The following C3orf18 variants were observed in gnomAD, a reference collection of about 807,000 sequenced individuals.
C3orf18 encodes the protein chromosome 3 open reading frame 18.
In C3orf18, 12 loss-of-function variants were observed where a neutral mutation model predicts 14.1. The ratio of observed to expected loss-of-function variants is 0.85; its 90% CI spans 0.55 to 1.38. The LOEUF is 1.38. Ranked by LOEUF, C3orf18 falls within the 40% of genes most tolerant of loss-of-function variation. The probability of loss-of-function intolerance (pLI) is 0.00; values close to 1 mark genes in which losing one functional copy is unlikely to be tolerated. For missense variants in C3orf18, 196 were observed against 213.9 expected (o/e 0.92, Z 0.52); for synonymous variants, 82 against 87.9 (o/e 0.93, Z 0.38).
chr3:50,564,654 TC>T (rs1700175643), intron 3 of C3orf18, among the ~76,000 whole-genome samples: 1 of 152,192 alleles, frequency 6.6e-6, no homozygotes, highest in Non-Finnish European at 1.5e-5. Context: ...GACCTTGTCT[TC>T]CCAGCCTCTA....
upstream of C3orf18, chr3:50,571,266 G>T: frequency 6.2e-7 from 1 of 1,613,362 alleles, no homozygotes; most frequent in Non-Finnish European, 8.5e-7. Context: ...TCTTTGAGAA[G>T]AGGGGTATCC....
At chr3:50,571,610 GC>G (rs1700969159), upstream of C3orf18, 4 of 1,110,426 alleles carry the variant, frequency 3.6e-6, no homozygotes, top group Non-Finnish European at 4.1e-6. Flanking sequence ...AGAGGGTTGG[GC>G]CTCCAGACCA....
Position 50,561,861 on chromosome 3 carries a change from G to A in C3orf18, c.235-114C>T, listed in dbSNP as rs114432474. 1.3e-3 allele frequency: 1,376 copies of A among 1,054,616 alleles called. 14 individuals are homozygous for A. In the African/African-American group the frequency reaches 0.018, roughly 14 times the overall value. The allele number at this position is 1,054,616 out of a possible 1,614,324, so 65.3% of individuals were successfully genotyped here. A position where few individuals can be genotyped will look rare whatever the true frequency, so the allele number is the denominator to read the frequency against. On this transcript the variant is annotated intron_variant, in intron 3 of 5. Coordinates refer to ENST00000357203, the MANE Select transcript of C3orf18 (RefSeq NM_016210.5). ...ATGAACAAGAGACCCGTGGGTCCCC[G>A]TCCTAATGACACATACACCACTCCC...
chr3:50,561,780 G>C (rs370490706), intron 3 of C3orf18, 33 bp from the exon 4 acceptor site: 2 of 1,613,288 alleles, frequency 1.2e-6, no homozygotes, highest in African/African-American at 1.3e-5. Flanking sequence ...AAATGGCAAG[G>C]AGAGGAGGCC....
rs772525401 is a variant in C3orf18, at chr3:50,565,471, C to T, written c.229G>A (p.Ala77Thr). 2 of 1,613,274 alleles carry T rather than the reference C, an allele frequency of 1.2e-6. No individual in the cohort carries two copies. The highest frequency in any genetic ancestry group is 2.2e-5 in the South Asian group (2 of 91,040). Residue 77 changes from alanine (A) to threonine (T), a missense_variant, in exon 3 of 6, where the codon GCC (alanine) becomes ACC (threonine). Transcript: ENST00000357203. This position sits in a 1 kb window ranked among gnomAD's most constrained non-coding sequence, Gnocchi z 4.4. ...GIITVIGLAV[A>T]LVLYIRKKKR... ...CAGCCTACCCCAGCTCTCACCAAGG[C>T]CACAGCCAGGCCTATCACCGTGATG... is the stretch of plus-strand genomic sequence containing the variant.
Position 50,559,649 on chromosome 3 carries a change from C to A in C3orf18, c.*8G>T. 1 of 1,568,614 alleles carries A rather than the reference C, an allele frequency of 6.4e-7. No homozygotes were observed. Among genetic ancestry groups the A allele is most frequent in the South Asian group, 1.2e-5 (1 of 84,906 alleles). On this transcript the variant is annotated 3_prime_UTR_variant, in exon 6 of 6. Transcript: ENST00000357203. ...CTCTATCAGAAGTCCAGGCTTGTCC[C>A]AGGCCACTCACGCATGGATGGCATT...
upstream of C3orf18, chr3:50,571,128 G>T (rs985188085): frequency 1.9e-5 from 30 of 1,605,058 alleles, no homozygotes; most frequent in Non-Finnish European, 2.2e-5. Flanking sequence ...GCCGAATGCT[G>T]TGGGCCCTCC....
intron 5 of C3orf18, 80 bp downstream of exon 5, chr3:50,560,837 G>C: frequency 7.0e-7 from 1 of 1,438,064 alleles, no homozygotes; most frequent in South Asian, 1.3e-5. Flanking sequence ...GTGCTAGAAA[G>C]CTGCATGAGA....
At position 50,558,888 on chromosome 3, in the gene C3orf18, G is replaced by T; in HGVS notation, c.*769C>A. ...AATCTCATTCTGCCCGCTGTGCTGG[G>T]ACAGGCACATGTCTGCCCATGGGCA... On this transcript the variant is annotated 3_prime_UTR_variant, in exon 6 of 6. Transcript: ENST00000357203. The T allele has an allele frequency of 1.6e-6, 2 of 1,289,732 alleles. No individual in the cohort carries two copies. Among genetic ancestry groups the T allele is most frequent in the Non-Finnish European group, 2.0e-6 (2 of 988,822 alleles). 79.9% of individuals were successfully genotyped at this position (1,289,732 alleles called of 1,614,324 possible).
upstream of C3orf18, chr3:50,570,336 A>AT (rs1237940375): frequency 2.6e-5 from 4 of 152,172 alleles, no homozygotes; most frequent in Admixed American, 1.3e-4. Context: ...ACAATTGTAA[A>AT]TTTTTTAGTT....
At position 50,559,308 on chromosome 3, in the gene C3orf18, G is replaced by C. The variant is rs753609708; in HGVS notation, c.*349C>G. 8.0e-7 allele frequency: 1 copy of C among 1,247,912 alleles called. No homozygotes were observed. The highest frequency in any genetic ancestry group is 1.5e-5 in the African/African-American group (1 of 64,704). 77.3% of individuals were successfully genotyped at this position (1,247,912 alleles called of 1,614,324 possible). On this transcript the variant is annotated 3_prime_UTR_variant, in exon 6 of 6. Coordinates refer to ENST00000357203, the MANE Select transcript of C3orf18 (RefSeq NM_016210.5). ...TTCCTCCCCCAATCCCTCCCACTCCGTATCTCCCTCATTTCCTCCACATTA... is the reference window on the plus strand; with the variant it reads ...TTCCTCCCCCAATCCCTCCCACTCCCTATCTCCCTCATTTCCTCCACATTA...
intron 3 of C3orf18, among the ~76,000 whole-genome samples, chr3:50,564,893 T>G (rs1220991286): frequency 6.6e-6 from 1 of 152,160 alleles, no homozygotes; most frequent in Non-Finnish European, 1.5e-5. Context: ...GCCTCCAAAC[T>G]TTTGCCCATC....
In C3orf18 at chr3:50,560,970, G is replaced by A. The variant is rs200548081; in HGVS notation, c.355C>T (p.Arg119Trp). The change falls in exon 5 of 6, where the codon CGG becomes TGG. Residue 119 changes from arginine to tryptophan, a missense_variant. Transcript: ENST00000357203. ...GCAGCCTGTACAGAGGCGGCGTCCC[G>A]CCCATGCTCCAGCAGCTCCTGCTCC... The part of the protein sequence containing the change: ...ELEQELLEHG[R>W]DAASVQAATS... 58 of 1,614,150 alleles carry A rather than the reference G, an allele frequency of 3.6e-5. No individual in the cohort carries two copies. Among genetic ancestry groups the A allele is most frequent in the African/African-American group, 6.7e-5 (5 of 75,052 alleles).
chr3:50,565,648 TG>T lies in C3orf18; in HGVS notation c.51del (p.Thr18ProfsTer54). The T allele has an allele frequency of 6.2e-7, 1 of 1,612,830 alleles. No homozygotes were observed. On this transcript the variant is annotated frameshift_variant, in exon 3 of 6. Transcript: ENST00000357203. LOFTEE classifies it high-confidence loss of function. This position sits in a 1 kb window ranked among gnomAD's most constrained non-coding sequence, Gnocchi z 4.4. ...GCAGGTTCCAGGTCAGACTCAGAGGTGGGTGGGCGGCTGCTGAACCAGCCCC... is the reference window on the plus strand; with the variant it reads ...GCAGGTTCCAGGTCAGACTCAGAGGTGGTGGGCGGCTGCTGAACCAGCCCC... ...SARGWFSSRP[P>X]TSESDLEPAT...
chr3:50,572,342 CCT>C (rs1275033209), upstream of C3orf18: 2 of 862,400 alleles, frequency 2.3e-6, no homozygotes, highest in Non-Finnish European at 3.6e-6. Flanking sequence ...ACATGTATTT[CCT>C]CTCTGACTGT....
rs9866852 is a variant in C3orf18, at chr3:50,562,945, G to A, written c.235-1198C>T. Among the ~76,000 whole-genome samples, 1,441 of 152,238 alleles carry A rather than the reference G, an allele frequency of 9.5e-3. 18 individuals carry two copies. The highest frequency in any genetic ancestry group is 0.033 in the African/African-American group (1,357 of 41,526). On this transcript the variant is annotated intron_variant, in intron 3 of 5. Coordinates refer to ENST00000357203, the MANE Select transcript of C3orf18 (RefSeq NM_016210.5). ...GGGAGGAAGTGGGTAAGACTTGGGGGACCACCTTGGGCGGGGAATCCAGGG... is the reference window on the plus strand; with the variant it reads ...GGGAGGAAGTGGGTAAGACTTGGGGAACCACCTTGGGCGGGGAATCCAGGG...
rs1700233646 is a variant in C3orf18 at position 50,565,451 on chromosome 3, T to G, written c.234+15A>C. The G allele has an allele frequency of 2.5e-6, 4 of 1,584,908 alleles. No homozygotes were observed. The South Asian group carries it at 4.4e-5, about 18-fold the overall frequency. Reference sequence around the variant, plus strand: ...AAACACTGATTATCCTCCCCCAGCCTACCCCAGCTCTCACCAAGGCCACAG... The same window carrying G: ...AAACACTGATTATCCTCCCCCAGCCGACCCCAGCTCTCACCAAGGCCACAG... On this transcript the variant is annotated intron_variant, in intron 3 of 5. Coordinates refer to ENST00000357203, the MANE Select transcript of C3orf18 (RefSeq NM_016210.5). The surrounding 1 kb of genome is among the most constrained non-coding windows in gnomAD (Gnocchi z 4.4).
chr3:50,571,617 G>T (rs552170330), upstream of C3orf18: 2 of 1,202,802 alleles, frequency 1.7e-6, no homozygotes, highest in South Asian at 2.4e-5. Context: ...TGGGCCTCCA[G>T]ACCAGTGCTG....
Position 50,565,482 on chromosome 3 carries a change from C to T in C3orf18, c.218G>A (p.Gly73Asp). The change falls in exon 3 of 6, where the codon GGC (glycine) becomes GAC (aspartate). Residue 73 changes from glycine (G) to aspartate (D), a missense_variant. Transcript: ENST00000357203. The surrounding 1 kb of genome is among the most constrained non-coding windows in gnomAD (Gnocchi z 4.4). ...LLSFGIITVIGLAVALVLYIR... is the reference protein window; with the variant it reads ...LLSFGIITVIDLAVALVLYIR... Reference sequence around the variant, plus strand: ...AGCTCTCACCAAGGCCACAGCCAGGCCTATCACCGTGATGATCCCAAAGGA... The same window carrying T: ...AGCTCTCACCAAGGCCACAGCCAGGTCTATCACCGTGATGATCCCAAAGGA... 1.2e-6 allele frequency: 2 copies of T among 1,613,836 alleles called. No individual in the cohort carries two copies. The highest frequency in any genetic ancestry group is 1.1e-5 in the South Asian group (1 of 91,070).
Sources: gnomAD v4.1 joint callset for allele counts (sites outside exome capture counted in the v4.1 genomes callset) on GRCh38, gnomAD v4.1.1 for gene constraint, Gnocchi (gnomAD v3.1) non-coding constraint, MANE v1.5 for transcripts, NCBI Gene and HGNC (gene_info 2026-07-23, HGNC 2026-07-21) for gene names.